Variants in SEMA3G observed in about 807,000 individuals in gnomAD.
The protein encoded by SEMA3G is semaphorin-3G.
Under a neutral mutation model 86.2 loss-of-function variants are expected in SEMA3G, and 70 were observed. The observed-to-expected ratio is 0.81, with a 90% CI of 0.67 to 0.99. The LOEUF is 0.99. Ranked by LOEUF, SEMA3G falls within the 50% of genes least tolerant of loss-of-function variation. The probability of loss-of-function intolerance (pLI) is 0.00; values close to 1 mark genes in which losing one functional copy is unlikely to be tolerated. For synonymous variants in SEMA3G, 416 were observed against 441.4 expected (o/e 0.94, Z 0.72); for missense variants, 1,002 against 1,072.4 (o/e 0.93, Z 0.92).
chr3:52,440,084 C>A lies in SEMA3G; in HGVS notation c.1158G>T (p.Met386Ile). 1 of 1,583,702 alleles carries A rather than the reference C, an allele frequency of 6.3e-7. No homozygotes were observed. Among genetic ancestry groups the A allele is most frequent in the South Asian group, 1.1e-5 (1 of 88,946 alleles). Reference sequence around the variant, plus strand: ...CAAAAGGCCGTCCTGGCTGTGCGGTCATCTTGCTGGGGCACTGTGGGCAGC... The same window carrying A: ...CAAAAGGCCGTCCTGGCTGTGCGGTAATCTTGCTGGGGCACTGTGGGCAGC... Reference protein sequence around the residue: ...FPRPGVCPSKMTAQPGRPFGS... With the variant: ...FPRPGVCPSKITAQPGRPFGS... The change falls in exon 11 of 16, where the codon ATG (methionine) becomes ATT (isoleucine). Residue 386 changes from methionine (M) to isoleucine (I), a missense_variant. Transcript: ENST00000231721.
chr3:52,444,859 GCACA>G (rs1559613409), intron 1 of SEMA3G, 50 bp downstream of exon 1: 6 of 1,228,792 alleles, frequency 4.9e-6, no homozygotes. Context: ...CAAACAGAGC[GCACA>G]CACACAAACA....
chr3:52,438,886 G>T lies in SEMA3G; in HGVS notation c.1509+34C>A, dbSNP rs371165828. The stretch of plus-strand genomic sequence containing the variant: ...GGAGGCTGCGGAGCAGGGGCAGAAG[G>T]GGGGTCCAAGAGGAGGGTGGCAGCT... On this transcript the variant is annotated intron_variant, in intron 13 of 15. Coordinates refer to ENST00000231721, the MANE Select transcript of SEMA3G (RefSeq NM_020163.3). 8 of 1,611,850 alleles carry T rather than the reference G, an allele frequency of 5.0e-6. No individual in the cohort carries two copies. In the Admixed American group the frequency reaches 5.0e-5, roughly 10 times the overall value.
At position 52,442,610 on chromosome 3, in the gene SEMA3G, T is replaced by G; in HGVS notation, c.288A>C (p.Pro96=). ...AWPDPREVLW[P]PQPGQREECV... ...ACTCCTCCCTCTGTCCTGGCTGCGG[T>G]GGCCACAGGACCTGGAACACAGCCC... The change falls in exon 3 of 16, where the codon CCA becomes CCC. Residue 96 remains proline (P), a synonymous_variant. Transcript: ENST00000231721. This position sits in a 1 kb window ranked among gnomAD's most constrained non-coding sequence, Gnocchi z 6.1. 1 of 1,614,100 alleles carries G rather than the reference T, an allele frequency of 6.2e-7. No homozygotes were observed. The highest frequency in any genetic ancestry group is 8.5e-7 in the Non-Finnish European group (1 of 1,179,978).
chr3:52,442,910 A>G lies in SEMA3G; in HGVS notation c.116-3T>C. Reference sequence around the variant, plus strand: ...AGAGCGGTTGGCAGACAGGAGGTCTAGGAGGATGTATGGGGAGGCAGATCA... The same window carrying G: ...AGAGCGGTTGGCAGACAGGAGGTCTGGGAGGATGTATGGGGAGGCAGATCA... On this transcript the variant is annotated splice_region_variant and splice_polypyrimidine_tract_variant and intron_variant, in intron 1 of 15. Coordinates refer to ENST00000231721, the MANE Select transcript of SEMA3G (RefSeq NM_020163.3). The surrounding 1 kb of genome is among the most constrained non-coding windows in gnomAD (Gnocchi z 6.1). 1 of 1,586,062 alleles carries G rather than the reference A, an allele frequency of 6.3e-7. No individual in the cohort carries two copies. The highest frequency in any genetic ancestry group is 8.6e-7 in the Non-Finnish European group (1 of 1,165,978).
At chr3:52,437,706 G>A (rs906747161) in intron 14 of SEMA3G, 40 bp from the exon 15 acceptor site, 3 of 1,591,958 alleles carry the variant, frequency 1.9e-6, no homozygotes, top group Middle Eastern at 3.4e-4. Context: ...GGGAACTATG[G>A]GACCCAGATC....
chr3:52,439,827 A>C (rs771201353), intron 11 of SEMA3G, 40 bp downstream of exon 11: 1 of 1,608,532 alleles, frequency 6.2e-7, no homozygotes, highest in Non-Finnish European at 8.5e-7. Context: ...GAGACCCCAC[A>C]CCCCTCTCCA....
chr3:52,439,024 C>CT, intron 12 of SEMA3G, 63 bp from the exon 13 acceptor site: 2 of 1,561,700 alleles, frequency 1.3e-6, no homozygotes, highest in Non-Finnish European at 1.7e-6. Flanking sequence ...TGCACCCCTG[C>CT]TTTCAGTCTC....
rs776144589 is a variant in SEMA3G, at chr3:52,442,749, C to T, written c.274G>A (p.Glu92Lys). The T allele has an allele frequency of 6.8e-6, 11 of 1,613,768 alleles. No homozygotes were observed. Among genetic ancestry groups the T allele is most frequent in the Non-Finnish European group, 7.6e-6 (9 of 1,179,882 alleles). ...TCTTCCCTGCCAGTCCAGCTCACCT[C>T]CCGGGGATCTGGCCATGCCTGGTCC... ...RLDQAWPDPR[E>K]VLWPPQPGQR... The change falls in exon 2 of 16, where the codon GAG becomes AAG. Residue 92 changes from glutamate (E) to lysine (K), a missense_variant and splice_region_variant. By Grantham distance (56) the Glu-to-Lys change is moderately conservative. Transcript: ENST00000231721. The surrounding 1 kb of genome is among the most constrained non-coding windows in gnomAD (Gnocchi z 6.1).
chr3:52,436,644 G>A (rs1026869813), intron 15 of SEMA3G, among the ~76,000 whole-genome samples: 1 of 152,250 alleles, frequency 6.6e-6, no homozygotes, highest in Non-Finnish European at 1.5e-5. Flanking sequence ...AGCCCAGGGT[G>A]GGCTGATCGC....
At position 52,440,370 on chromosome 3, in the gene SEMA3G, T is replaced by TA; in HGVS notation, c.1143+6dup. The TA allele has an allele frequency of 6.3e-7, 1 of 1,593,110 alleles. No individual in the cohort carries two copies. The highest frequency in any genetic ancestry group is 8.5e-7 in the Non-Finnish European group (1 of 1,172,022). On this transcript the variant is annotated splice_region_variant and intron_variant, in intron 10 of 15. Coordinates refer to ENST00000231721, the MANE Select transcript of SEMA3G (RefSeq NM_020163.3). The stretch of plus-strand genomic sequence containing the variant: ...GCTTCCCTGGCCTGGCCCCAGCAGA[T>TA]ACTCACCACGCCAGGGCGAGGGAAG...
intron 15 of SEMA3G, among the ~76,000 whole-genome samples, chr3:52,436,889 G>C (rs560428583): frequency 6.8e-4 from 104 of 152,306 alleles, no homozygotes; most frequent in African/African-American, 2.5e-3. Flanking sequence ...TGGAGGGAGA[G>C]CCCCTCCTGT....
chr3:52,443,062 C>T, intron 1 of SEMA3G, 155 bp from the exon 2 acceptor site: 2 of 1,534,390 alleles, frequency 1.3e-6, no homozygotes, highest in South Asian at 2.4e-5. Context: ...GCTTTCGGAC[C>T]ATGGCTCCTG....
rs761182090 is a variant in SEMA3G, at chr3:52,438,058, G to A, written c.1651C>T (p.Arg551Cys). ...AACCGGCGCTTGCCAAGGCTGGGGC[G>A]GTAGTGGGTACAGGAGGCACCATCC... is the stretch of plus-strand genomic sequence containing the variant. ...AWDGASCTHY[R>C]PSLGKRRFRR... The change falls in exon 14 of 16, where the codon CGC becomes TGC. Residue 551 changes from arginine (R) to cysteine (C), a missense_variant. By Grantham distance (180) the Arg-to-Cys change is radical. Transcript: ENST00000231721. 1.4e-5 allele frequency: 23 copies of A among 1,613,026 alleles called. No homozygotes were observed. The highest frequency in any genetic ancestry group is 3.3e-4 in the Middle Eastern group (2 of 6,082).
chr3:52,440,741 T>G lies in SEMA3G; in HGVS notation c.998+13A>C. The G allele has an allele frequency of 1.2e-6, 2 of 1,609,090 alleles. No individual in the cohort carries two copies. Among genetic ancestry groups the G allele is most frequent in the Non-Finnish European group, 1.7e-6 (2 of 1,177,258 alleles). ...GGGGCCCATCGCAAGGCCGGGGTGC[T>G]GGGTGTGCCCACCTGACGGTGCTGA... On this transcript the variant is annotated intron_variant, in intron 9 of 15. Transcript: ENST00000231721.
At chr3:52,443,709 A>G (rs1430823835) in intron 1 of SEMA3G, among the ~76,000 whole-genome samples, 3 of 152,198 alleles carry the variant, frequency 2.0e-5, no homozygotes, top group African/African-American at 7.2e-5. Flanking sequence ...GAAGCCCTCC[A>G]TGGATGACAG....
At position 52,438,104 on chromosome 3, in the gene SEMA3G, G is replaced by A. The variant is rs754947321; in HGVS notation, c.1605C>T (p.Ala535=). Residue 535 remains alanine (A), a synonymous_variant, in exon 14 of 16, where the codon GCC becomes GCT. Coordinates refer to ENST00000231721, the MANE Select transcript of SEMA3G (RefSeq NM_020163.3). Reference sequence around the variant, plus strand: ...CATCCCAGGCACAGTATGGGTCCCGGGCCAGGCAGCACTCTGCACAGGCAG... The same window carrying A: ...CATCCCAGGCACAGTATGGGTCCCGAGCCAGGCAGCACTCTGCACAGGCAG... ...YGTACAECCL[A]RDPYCAWDGA... is the part of the protein sequence containing the mutation. The A allele has an allele frequency of 6.2e-7, 1 of 1,613,250 alleles. No individual in the cohort carries two copies.
In SEMA3G at chr3:52,442,468, T is replaced by C; in HGVS notation, c.339+91A>G. On this transcript the variant is annotated intron_variant, in intron 3 of 15. Transcript: ENST00000231721. The surrounding 1 kb of genome is among the most constrained non-coding windows in gnomAD (Gnocchi z 6.1). ...CCTCAAGATCTGCTCCAAATGCCCC[T>C]GGTAGAGGTACCTGGGGCGTGGTCA... The C allele has an allele frequency of 6.9e-7, 1 of 1,442,218 alleles. No individual in the cohort carries two copies. The highest frequency in any genetic ancestry group is 9.7e-7 in the Non-Finnish European group (1 of 1,027,226). 89.3% of individuals were successfully genotyped at this position (1,442,218 alleles called of 1,614,324 possible).
chr3:52,440,916 G>A lies in SEMA3G; in HGVS notation c.928+18C>T. The stretch of plus-strand genomic sequence containing the variant: ...CTCCCCACTCCCGAGCCCTAGGCCT[G>A]CTTGGCCAGGCCCTCACCTAGCTGG... On this transcript the variant is annotated intron_variant, in intron 8 of 15. Coordinates refer to ENST00000231721, the MANE Select transcript of SEMA3G (RefSeq NM_020163.3). The A allele has an allele frequency of 6.2e-7, 1 of 1,600,766 alleles. No individual in the cohort carries two copies.
rs775934101 is a variant in SEMA3G at position 52,435,783 on chromosome 3, A to G, written c.2169T>C (p.Asp723=). The change falls in exon 16 of 16, where the codon GAT becomes GAC. Residue 723 remains aspartate, a synonymous_variant. Transcript: ENST00000231721. ...LIGFANLPRV[D]EYCERVWCRG... ...TGCACCACACGCGCTCACAGTACTC[A>G]TCCACCCGGGGCAGGTTGGCGAAGC... 1 of 1,613,794 alleles carries G rather than the reference A, an allele frequency of 6.2e-7. No individual in the cohort carries two copies. Among genetic ancestry groups the G allele is most frequent in the East Asian group, 2.2e-5 (1 of 44,872 alleles).
Sources: allele counts gnomAD v4.1 joint callset (sites outside exome capture counted in the v4.1 genomes callset), GRCh38; gene constraint gnomAD v4.1.1; non-coding constraint Gnocchi (gnomAD v3.1); transcripts MANE v1.5; gene names NCBI Gene and HGNC (gene_info 2026-07-23, HGNC 2026-07-21).